ATP2B2: variants seen among roughly 807,000 people sequenced by gnomAD.
ATP2B2 encodes the protein plasma membrane calcium-transporting ATPase 2.
Under a neutral mutation model 120.0 loss-of-function variants are expected in ATP2B2, and 15 were observed. That is an observed-to-expected ratio of 0.12 (90% CI 0.08 to 0.19). The LOEUF (loss-of-function observed/expected upper bound fraction) is 0.19, where lower values mean the gene tolerates loss of function less well. Among genes scored for constraint, ATP2B2 ranks in the 10% least tolerant of loss-of-function variants. The pLI is 1.00. For synonymous variants in ATP2B2, 694 were observed against 700.3 expected (o/e 0.99, Z 0.14); for missense variants, 1,045 against 1,719.8 (o/e 0.61, Z 6.94).
At chr3:10,389,428 A>G (rs969856267) in intron 5 of ATP2B2, among the ~76,000 whole-genome samples, 1 of 152,222 alleles carries the variant, frequency 6.6e-6, no homozygotes, top group Non-Finnish European at 1.5e-5. Flanking sequence ...CTTAAAGAGA[A>G]AGAAACTTGA....
intron 2 of ATP2B2, among the ~76,000 whole-genome samples, chr3:10,439,952 A>T (rs1200610937): frequency 6.6e-6 from 1 of 151,922 alleles, no homozygotes; most frequent in Admixed American, 6.6e-5. Context: ...CAAAAAAAAA[A>T]ATTACCTGGG....
At position 10,617,757 on chromosome 3, in the gene ATP2B2, T is replaced by A. The variant is rs562633793; in HGVS notation, c.-415+2160A>T. Among the ~76,000 whole-genome samples the A allele has an allele frequency of 2.6e-4, 39 of 152,316 alleles. No homozygotes were observed. In the South Asian group the frequency reaches 7.7e-3, roughly 30 times the overall value. ...GCAGGACGGCTCCCAGATCCAGCCC[T>A]GGTGTCCTGTTCTGCCTTCCCATCT... On this transcript the variant is annotated intron_variant, in intron 2 of 21. Transcript: ENST00000646379.
Position 10,340,103 on chromosome 3 carries a change from C to T in ATP2B2, c.3237+139G>A. The T allele has an allele frequency of 4.9e-6, 4 of 811,186 alleles. No homozygotes were observed. Among genetic ancestry groups the T allele is most frequent in the African/African-American group, 1.7e-5 (1 of 59,314 alleles). 50.2% of individuals were successfully genotyped at this position (811,186 alleles called of 1,614,324 possible). ...ACCAGTATAGGACCTGGGACAAACC[C>T]CCTTGCTCAGATGTCCAGAGATAGG... is the stretch of plus-strand genomic sequence containing the variant. On this transcript the variant is annotated intron_variant, in intron 21 of 22. Coordinates refer to ENST00000360273, the MANE Select transcript of ATP2B2 (RefSeq NM_001001331.4). This position sits in a 1 kb window ranked among gnomAD's most constrained non-coding sequence, Gnocchi z 5.0.
intron 1 of ATP2B2, among the ~76,000 whole-genome samples, chr3:10,479,351 T>C (rs78231279): frequency 0.021 from 3,211 of 151,796 alleles, 110 homozygotes; most frequent in African/African-American, 0.073. Flanking sequence ...ATGGCCTTTG[T>C]CTGTTCTGTT....
At chr3:10,532,935 C>T (rs1371865721) in intron 3 of ATP2B2, among the ~76,000 whole-genome samples, 1 of 152,166 alleles carries the variant, frequency 6.6e-6, no homozygotes, top group Admixed American at 6.5e-5. Flanking sequence ...CATCAGTTTT[C>T]TCATTTGTGA....
chr3:10,441,375 G>C (rs1200323790), intron 2 of ATP2B2, among the ~76,000 whole-genome samples: 1 of 152,208 alleles, frequency 6.6e-6, no homozygotes, highest in South Asian at 2.1e-4. Flanking sequence ...AAGTAGCTGG[G>C]ATTACAGGCG....
At chr3:10,700,111 A>T (rs2071795155) in intron 1 of ATP2B2, among the ~76,000 whole-genome samples, 1 of 152,198 alleles carries the variant, frequency 6.6e-6, no homozygotes, top group Non-Finnish European at 1.5e-5. Context: ...CATGTGAGAC[A>T]GGATTGGAGA....
chr3:10,469,810 A>C (rs2064906914), intron 1 of ATP2B2, among the ~76,000 whole-genome samples: 1 of 152,128 alleles, frequency 6.6e-6, no homozygotes, highest in Non-Finnish European at 1.5e-5. Flanking sequence ...AGCCAGGCAA[A>C]GATCTGCCCT....
At chr3:10,406,238 G>C (rs1380402989) in intron 3 of ATP2B2, among the ~76,000 whole-genome samples, 1 of 152,244 alleles carries the variant, frequency 6.6e-6, no homozygotes, top group Non-Finnish European at 1.5e-5. Context: ...GGCTGGCCCA[G>C]CTTGGCCCAG....
chr3:10,607,578 C>T (rs2069120800), intron 2 of ATP2B2, among the ~76,000 whole-genome samples: 1 of 152,224 alleles, frequency 6.6e-6, no homozygotes, highest in Admixed American at 6.5e-5. Context: ...CTAGGGTAGG[C>T]TCTGCACAAC....
Position 10,519,367 on chromosome 3 carries a change from C to T in ATP2B2, c.-320+14672G>A, listed in dbSNP as rs181013171. Among the ~76,000 whole-genome samples, 7 of 152,262 alleles carry T rather than the reference C, an allele frequency of 4.6e-5. No homozygotes were observed. In the East Asian group the frequency reaches 5.8e-4, roughly 13 times the overall value. On this transcript the variant is annotated intron_variant, in intron 3 of 21. Coordinates refer to the ATP2B2 transcript ENST00000646379. ...TAATGAAGGTGCAATGTGCAATGTCCGGGCCTTTCAAGGGGCTATTGAGGA... is the reference window on the plus strand; with the variant it reads ...TAATGAAGGTGCAATGTGCAATGTCTGGGCCTTTCAAGGGGCTATTGAGGA...
chr3:10,425,584 C>T (rs186511429), intron 2 of ATP2B2, among the ~76,000 whole-genome samples: 16 of 152,256 alleles, frequency 1.1e-4, no homozygotes, highest in South Asian at 4.1e-4. Flanking sequence ...ACGAGTGTGA[C>T]GCGCCGGGCA....
At chr3:10,396,992 T>C (rs1476597332) in intron 5 of ATP2B2, among the ~76,000 whole-genome samples, 1 of 152,214 alleles carries the variant, frequency 6.6e-6, no homozygotes, top group Non-Finnish European at 1.5e-5. Flanking sequence ...TGCAGCACTG[T>C]GCTAGGGGAT....
Position 10,551,960 on chromosome 3 carries a change from CA to C in ATP2B2, c.-414-17828del, listed in dbSNP as rs369054843. On this transcript the variant is annotated intron_variant, in intron 2 of 21. Coordinates refer to the ATP2B2 transcript ENST00000646379. ...CATTAACGCTGCTTTTGAACAATGC[CA>C]AGGTTGCATAAGAAATGTAGCCATG... Among the ~76,000 whole-genome samples, 285 of 152,332 alleles carry C rather than the reference CA, an allele frequency of 1.9e-3. 2 individuals carry two copies. The highest frequency in any genetic ancestry group is 6.6e-3 in the African/African-American group (275 of 41,584).
At chr3:10,514,234 G>C (rs1311404690) in intron 3 of ATP2B2, among the ~76,000 whole-genome samples, 1 of 152,142 alleles carries the variant, frequency 6.6e-6, no homozygotes, top group Non-Finnish European at 1.5e-5. Flanking sequence ...GATAGGTCTG[G>C]GGAACACTTG....
At chr3:10,605,030 C>G (rs2069024892) in intron 2 of ATP2B2, among the ~76,000 whole-genome samples, 1 of 152,216 alleles carries the variant, frequency 6.6e-6, no homozygotes, top group African/African-American at 2.4e-5. Flanking sequence ...TATGCCACAG[C>G]CTTCTGTGTC....
At chr3:10,580,294 G>C (rs557165138) in intron 2 of ATP2B2, among the ~76,000 whole-genome samples, 60 of 152,300 alleles carry the variant, frequency 3.9e-4, no homozygotes, top group African/African-American at 1.4e-3. Flanking sequence ...ATGACTCTGG[G>C]GGAGTCATTA....
chr3:10,376,965 C>T (rs958566035), intron 10 of ATP2B2, among the ~76,000 whole-genome samples: 2 of 152,182 alleles, frequency 1.3e-5, no homozygotes, highest in African/African-American at 2.4e-5. Flanking sequence ...ACCTGTGCCC[C>T]TTGCAGGTCT....
chr3:10,349,864 C>A (rs1225301311), intron 16 of ATP2B2, among the ~76,000 whole-genome samples: 2 of 152,210 alleles, frequency 1.3e-5, no homozygotes, highest in Non-Finnish European at 2.9e-5. Context: ...GGACCCCACA[C>A]AGGCCCAGGT....
Sources: allele counts gnomAD v4.1 joint callset (sites outside exome capture counted in the v4.1 genomes callset), GRCh38; gene constraint gnomAD v4.1.1; non-coding constraint Gnocchi (gnomAD v3.1); transcripts MANE v1.5; gene names NCBI Gene and HGNC (gene_info 2026-07-23, HGNC 2026-07-21).